CCSER2: variants seen among roughly 807,000 people sequenced by gnomAD.
The protein encoded by CCSER2 is coiled-coil serine rich protein 2.
In CCSER2, 46 loss-of-function variants were observed where a neutral mutation model predicts 92.3. The ratio of observed to expected loss-of-function variants is 0.50; its 90% CI spans 0.39 to 0.64. The LOEUF (loss-of-function observed/expected upper bound fraction) is 0.64, where lower values mean the gene tolerates loss of function less well. Among genes scored for constraint, CCSER2 ranks in the 30% least tolerant of loss-of-function variants. The pLI is 0.00. For missense variants in CCSER2, 1,244 were observed against 1,238.9 expected, an observed-to-expected ratio of 1.00 and a Z score of -0.06; for synonymous variants, 433 against 431.4, an observed-to-expected ratio of 1.00 and a Z score of -0.04.
chr10:84,361,786 A>G lies in CCSER2; in HGVS notation c.-39-9228A>G, dbSNP rs560795410. Among the ~76,000 whole-genome samples, 5 of 151,986 alleles carry G rather than the reference A, an allele frequency of 3.3e-5. No individual in the cohort carries two copies. The East Asian group carries it at 9.7e-4, about 30-fold the overall frequency. The stretch of plus-strand genomic sequence containing the variant: ...CTCCCGAGTAGCTGGGATTACAGGC[A>G]TGCACCACCATGCCTGGCTAATTTT... On this transcript the variant is annotated intron_variant, in intron 1 of 9. Coordinates refer to ENST00000372088, the MANE Select transcript of CCSER2 (RefSeq NM_001284240.2).
In CCSER2 at chr10:84,441,734, A is replaced by ATTTTTTTTTTTTTTTT. The variant is rs1564667385; in HGVS notation, c.2064+3028_2064+3029insTTTTTTTTTTTTTTTT. 1.2e-4 allele frequency among the ~76,000 whole-genome samples: 13 copies of ATTTTTTTTTTTTTTTT among 106,450 alleles called. 2 individuals carry two copies. The highest frequency in any genetic ancestry group is 2.6e-4 in the East Asian group (1 of 3,800). The allele number at this position is 106,450 out of a possible 152,430, so 69.8% of individuals were successfully genotyped here. ...GGGAATAAAGTAGAAGACTGGGAAA[A>ATTTTTTTTTTTTTTTT]TGTTTTTTTTTTTTTTTTTTTTTTT... On this transcript the variant is annotated intron_variant, in intron 6 of 9. Transcript: ENST00000372088.
chr10:84,483,575 A>G (rs749365162), intron 9 of CCSER2, among the ~76,000 whole-genome samples: 2 of 152,032 alleles, frequency 1.3e-5, no homozygotes, highest in Non-Finnish European at 2.9e-5. Context: ...GTTTCTAGCA[A>G]CCGTGGAAAT....
chr10:84,465,337 TTTTTTTA>T (rs1846351122), intron 7 of CCSER2, among the ~76,000 whole-genome samples: 1 of 143,058 alleles, frequency 7.0e-6, no homozygotes, highest in East Asian at 2.1e-4. Flanking sequence ...TTTTTTTTTT[TTTTTTTA>T]GACGGAGCCT....
chr10:84,415,868 G>T (rs534496494), intron 3 of CCSER2, among the ~76,000 whole-genome samples: 1 of 152,254 alleles, frequency 6.6e-6, no homozygotes. Context: ...CAAGTCAGTG[G>T]GTCTTAACGT....
chr10:84,404,318 G>A (rs1477713796), intron 3 of CCSER2, among the ~76,000 whole-genome samples: 2 of 152,206 alleles, frequency 1.3e-5, no homozygotes, highest in African/African-American at 2.4e-5. Context: ...GCAGGTTGGA[G>A]TATTCTCAGC....
At chr10:84,355,326 A>G (rs1301516153) in intron 1 of CCSER2, among the ~76,000 whole-genome samples, 1 of 152,150 alleles carries the variant, frequency 6.6e-6, no homozygotes, top group Admixed American at 6.6e-5. Context: ...TGTTCAGCCA[A>G]CAACAGTTTT....
intron 9 of CCSER2, among the ~76,000 whole-genome samples, chr10:84,495,503 A>G (rs1008646918): frequency 6.6e-6 from 1 of 152,052 alleles, no homozygotes; most frequent in Non-Finnish European, 1.5e-5. Flanking sequence ...GTTTTATGTC[A>G]TTGCTGATTT....
chr10:84,359,924 C>A lies in CCSER2; in HGVS notation c.-39-11090C>A, dbSNP rs147967193. On this transcript the variant is annotated intron_variant, in intron 1 of 9. Transcript: ENST00000372088. ...CACCTCCCGAGTTCAAGTGATTCTCCTATCTCAGCCTCCCAAGTAGCTGGG... is the reference window on the plus strand; with the variant it reads ...CACCTCCCGAGTTCAAGTGATTCTCATATCTCAGCCTCCCAAGTAGCTGGG... Among the ~76,000 whole-genome samples the A allele has an allele frequency of 5.9e-5, 9 of 152,062 alleles. No individual in the cohort carries two copies. The South Asian group carries it at 6.2e-4, about 10-fold the overall frequency.
At chr10:84,341,096 A>C (rs892393356) in intron 1 of CCSER2, among the ~76,000 whole-genome samples, 1 of 135,542 alleles carries the variant, frequency 7.4e-6, no homozygotes, top group African/African-American at 2.9e-5. Context: ...GCTGGCGTGC[A>C]GTGGCTTGAT....
At chr10:84,487,891 C>G (rs1847905395) in intron 9 of CCSER2, among the ~76,000 whole-genome samples, 2 of 152,078 alleles carry the variant, frequency 1.3e-5, no homozygotes, top group Non-Finnish European at 2.9e-5. Flanking sequence ...ATAAATAGTT[C>G]TGATTATTTT....
At position 84,380,780 on chromosome 10, in the gene CCSER2, G is replaced by A. The variant is rs184139733; in HGVS notation, c.1614+6965G>A. On this transcript the variant is annotated intron_variant, in intron 3 of 9. Coordinates refer to ENST00000372088, the MANE Select transcript of CCSER2 (RefSeq NM_001284240.2). ...GCAATCTCGACTTACTGTAAGCTCC[G>A]CCTTCCTGGGTTCACGCCATTCTCC... 6.4e-3 allele frequency among the ~76,000 whole-genome samples: 961 copies of A among 150,304 alleles called. 10 individuals carry two copies. Among genetic ancestry groups the A allele is most frequent in the South Asian group, 5.9e-3 (28 of 4,766 alleles).
intron 3 of CCSER2, among the ~76,000 whole-genome samples, chr10:84,409,701 T>G (rs1022396476): frequency 6.6e-6 from 1 of 152,170 alleles, no homozygotes; most frequent in Admixed American, 6.5e-5. Context: ...TTGTCTTGAT[T>G]TTGATGATGT....
chr10:84,408,898 A>T lies in CCSER2; in HGVS notation c.1615-8873A>T, dbSNP rs533340535. 4.6e-5 allele frequency among the ~76,000 whole-genome samples: 7 copies of T among 152,312 alleles called. No homozygotes were observed. The South Asian group carries it at 1.5e-3, about 32-fold the overall frequency. The stretch of plus-strand genomic sequence containing the variant: ...ATATGATTTTGGGGGGAATGAAATT[A>T]CTTATAATGCTTATTGTGATAAATG... On this transcript the variant is annotated intron_variant, in intron 3 of 9. Coordinates refer to ENST00000372088, the MANE Select transcript of CCSER2 (RefSeq NM_001284240.2).
In CCSER2 at chr10:84,404,964, G is replaced by T. The variant is rs998715374; in HGVS notation, c.1615-12807G>T. Among the ~76,000 whole-genome samples, 6 of 152,274 alleles carry T rather than the reference G, an allele frequency of 3.9e-5. No homozygotes were observed. The East Asian group carries it at 1.2e-3, about 29-fold the overall frequency. On this transcript the variant is annotated intron_variant, in intron 3 of 9. Transcript: ENST00000372088. ...GAATTGGAAGACTCAGTGTAGTGAA[G>T]ACATCACTCCATCCCAAAGTGATGC...
rs1032103575 is a variant in CCSER2, at chr10:84,476,540, T to C, written c.2236-1035T>C. On this transcript the variant is annotated intron_variant, in intron 8 of 9. Transcript: ENST00000372088. Reference sequence around the variant, plus strand: ...GCTCACTGCAAGCTCTGCTTCCGGGTTCATGCCATTCTCCTGCCTCAGCCT... The same window carrying C: ...GCTCACTGCAAGCTCTGCTTCCGGGCTCATGCCATTCTCCTGCCTCAGCCT... 2.0e-5 allele frequency among the ~76,000 whole-genome samples: 3 copies of C among 146,346 alleles called. No individual in the cohort carries two copies. In the Admixed American group the frequency reaches 2.2e-4, roughly 11 times the overall value.
chr10:84,375,602 A>G (rs550389297), intron 3 of CCSER2, among the ~76,000 whole-genome samples: 1 of 141,774 alleles, frequency 7.1e-6, no homozygotes, highest in African/African-American at 2.6e-5. Context: ...ATCTCTAACT[A>G]TGCTTTTTGT....
At position 84,371,392 on chromosome 10, in the gene CCSER2, T is replaced by G; in HGVS notation, c.340T>G (p.Leu114Val). ...MFDKNGIKGG[L>V]KSVSLFTSKL... ...TGATAAAAATGGGATAAAGGGAGGTTTGAAAAGTGTTTCTTTATTCACATC... is the reference window on the plus strand; with the variant it reads ...TGATAAAAATGGGATAAAGGGAGGTGTGAAAAGTGTTTCTTTATTCACATC... Residue 114 changes from leucine (L) to valine (V), a missense_variant, in exon 2 of 10, where the codon TTG (leucine) becomes GTG (valine). Leu to Val is a conservative substitution (Grantham distance 32). Coordinates refer to ENST00000372088, the MANE Select transcript of CCSER2 (RefSeq NM_001284240.2). 1 of 1,613,530 alleles carries G rather than the reference T, an allele frequency of 6.2e-7. No homozygotes were observed. The highest frequency in any genetic ancestry group is 8.5e-7 in the Non-Finnish European group (1 of 1,179,764).
Position 84,517,020 on chromosome 10 carries a change from A to G in CCSER2, c.*2753A>G, listed in dbSNP as rs961785960. On this transcript the variant is annotated 3_prime_UTR_variant, in exon 10 of 10. Coordinates refer to ENST00000372088, the MANE Select transcript of CCSER2 (RefSeq NM_001284240.2). ...TAACTCTACTGAATAATCAAAGATC[A>G]TCTTAGATTTGGCTTGATCTGTGTT... 2 of 152,230 alleles carry G rather than the reference A, an allele frequency of 1.3e-5. No individual in the cohort carries two copies. The highest frequency in any genetic ancestry group is 4.8e-5 in the African/African-American group (2 of 41,458). The allele number at this position is 152,230 out of a possible 1,614,324, so 9.4% of individuals were successfully genotyped here.
chr10:84,476,435 CTTTTTTTTTTTT>C (rs35978182), intron 8 of CCSER2, among the ~76,000 whole-genome samples: 63 of 58,538 alleles, frequency 1.1e-3, no homozygotes, highest in South Asian at 2.6e-3. Flanking sequence ...AATTCTCTCT[CTTTTTTTTTTTT>C]TTTTTTTTTT....
Sources: gnomAD v4.1 joint callset for allele counts (sites outside exome capture counted in the v4.1 genomes callset) on GRCh38, gnomAD v4.1.1 for gene constraint, MANE v1.5 for transcripts, NCBI Gene and HGNC (gene_info 2026-07-23, HGNC 2026-07-21) for gene names.